Variants in PLCB4 observed in about 807,000 individuals in gnomAD.
The protein encoded by PLCB4 is phospholipase C beta 4.
PLCB4 carries 77 observed loss-of-function variants against 178.8 expected under a neutral mutation model. That is an observed-to-expected ratio of 0.43 (90% CI 0.36 to 0.52). The LOEUF (loss-of-function observed/expected upper bound fraction) is 0.52, where lower values mean the gene tolerates loss of function less well. Among genes scored for constraint, PLCB4 ranks in the 20% least tolerant of loss-of-function variants. PLCB4 has a pLI of 0.00. For synonymous variants in PLCB4, 496 were observed against 490.8 expected (o/e 1.01, Z -0.14); for missense variants, 1,024 against 1,453.4 (o/e 0.70, Z 4.80).
chr20:9,288,610 G>A (rs1179751544), intron 3 of PLCB4, among the ~76,000 whole-genome samples: 1 of 151,938 alleles, frequency 6.6e-6, no homozygotes, highest in Non-Finnish European at 1.5e-5. Flanking sequence ...TTGGAAGGGT[G>A]AGGAGAAGAG....
chr20:9,221,456 A>G (rs987412390), intron 3 of PLCB4, among the ~76,000 whole-genome samples: 1 of 152,226 alleles, frequency 6.6e-6, no homozygotes, highest in Non-Finnish European at 1.5e-5. Flanking sequence ...ACACAAGACG[A>G]TTAAAGGGAC....
chr20:9,407,086 G>T (rs2039496440), intron 21 of PLCB4, among the ~76,000 whole-genome samples: 1 of 152,138 alleles, frequency 6.6e-6, no homozygotes, highest in African/African-American at 2.4e-5. Context: ...ACGTATGTAT[G>T]TTGCTTACAT....
At chr20:9,278,603 C>A (rs2094469212) in intron 3 of PLCB4, among the ~76,000 whole-genome samples, 1 of 151,982 alleles carries the variant, frequency 6.6e-6, no homozygotes, top group Admixed American at 6.6e-5. Context: ...GATGCTGGGC[C>A]CTATGCATGG....
At chr20:9,185,544 A>G (rs562279551) in intron 2 of PLCB4, among the ~76,000 whole-genome samples, 28 of 152,080 alleles carry the variant, frequency 1.8e-4, no homozygotes, top group Middle Eastern at 3.4e-3. Flanking sequence ...TGTTCCCCAC[A>G]CTGACCCCTC....
chr20:9,295,535 TAGTA>T (rs993499045), intron 3 of PLCB4, among the ~76,000 whole-genome samples: 3 of 152,116 alleles, frequency 2.0e-5, no homozygotes, highest in African/African-American at 7.2e-5. Flanking sequence ...TTGCTGCCCT[TAGTA>T]AGAACAGAAA....
intron 19 of PLCB4, among the ~76,000 whole-genome samples, chr20:9,396,254 C>A (rs893626931): frequency 6.6e-6 from 1 of 152,086 alleles, no homozygotes; most frequent in Non-Finnish European, 1.5e-5. Flanking sequence ...TTTGTATAGA[C>A]AAAAACATGA....
intron 3 of PLCB4, among the ~76,000 whole-genome samples, chr20:9,270,120 C>T (rs948302652): frequency 1.4e-4 from 22 of 152,202 alleles, no homozygotes; most frequent in African/African-American, 4.6e-4. Context: ...AGAGAAACTA[C>T]CTGTCTATGA....
chr20:9,466,846 TCAA>T (rs1019124066), intron 35 of PLCB4, among the ~76,000 whole-genome samples: 5 of 152,282 alleles, frequency 3.3e-5, no homozygotes, highest in Admixed American at 6.5e-5. Flanking sequence ...GTAAATTTGT[TCAA>T]CGATTGTGGA....
chr20:9,146,741 G>A, intron 2 of PLCB4, among the ~76,000 whole-genome samples: 1 of 152,100 alleles, frequency 6.6e-6, no homozygotes, highest in African/African-American at 2.4e-5. Context: ...AACCCAAGGT[G>A]CCGGAGCCAT....
At chr20:9,075,076 C>T (rs989403484) in intron 1 of PLCB4, among the ~76,000 whole-genome samples, 2 of 152,034 alleles carry the variant, frequency 1.3e-5, no homozygotes, top group African/African-American at 4.8e-5. Context: ...TTCTGACAGC[C>T]TTTTTGAGTG....
At chr20:9,380,585 T>C (rs372316955) in intron 13 of PLCB4, among the ~76,000 whole-genome samples, 10 of 152,352 alleles carry the variant, frequency 6.6e-5, no homozygotes, top group African/African-American at 2.4e-4. Flanking sequence ...TGATGTGCAG[T>C]AACCCTCATT....
At chr20:9,137,634 G>T (rs1259164003) in intron 2 of PLCB4, among the ~76,000 whole-genome samples, 1 of 151,720 alleles carries the variant, frequency 6.6e-6, no homozygotes, top group East Asian at 1.9e-4. Context: ...CTATCCATCT[G>T]GAAATTTCAG....
At chr20:9,158,040 T>C (rs2092819956) in intron 2 of PLCB4, among the ~76,000 whole-genome samples, 2 of 152,206 alleles carry the variant, frequency 1.3e-5, no homozygotes, top group African/African-American at 4.8e-5. Context: ...AAGTAGGTAC[T>C]ATCCTTGTCT....
chr20:9,387,597 TGAAAATGCAG>T (rs558526914), intron 15 of PLCB4, 41 bp downstream of exon 15: 1 of 962,518 alleles, frequency 1.0e-6, no homozygotes, highest in Non-Finnish European at 1.6e-6. Flanking sequence ...CCAAACTCTG[TGAAAATGCAG>T]GAAATAGGGA....
intron 7 of PLCB4, among the ~76,000 whole-genome samples, chr20:9,360,959 A>G (rs954626268): frequency 5.3e-5 from 8 of 152,192 alleles, no homozygotes; most frequent in Non-Finnish European, 7.3e-5. Flanking sequence ...CTACTTAAAA[A>G]AAGAAACAAA....
intron 2 of PLCB4, among the ~76,000 whole-genome samples, chr20:9,138,956 T>C (rs1295846149): frequency 2.0e-5 from 3 of 152,122 alleles, no homozygotes; most frequent in Non-Finnish European, 2.9e-5. Context: ...ATGGGTATTA[T>C]AGTCAAAGCC....
intron 17 of PLCB4, 93 bp from the exon 18 acceptor site, chr20:9,393,495 T>C: frequency 1.3e-6 from 1 of 796,716 alleles, no homozygotes; most frequent in South Asian, 1.6e-5. Flanking sequence ...TTGGGTTGCA[T>C]CACTCCCAGG....
chr20:9,470,694 C>CTG (rs2044131407), intron 36 of PLCB4, among the ~76,000 whole-genome samples: 1 of 152,110 alleles, frequency 6.6e-6, no homozygotes, highest in African/African-American at 2.4e-5. Context: ...TTGTAACTTT[C>CTG]TATTTTTATT....
chr20:9,371,084 T>C (rs1438877338), intron 9 of PLCB4, 130 bp from the exon 10 acceptor site: 5 of 667,978 alleles, frequency 7.5e-6, no homozygotes, highest in Non-Finnish European at 1.4e-5. Context: ...ACATCTGCAA[T>C]GAGAGGTAAT....
Sources: gnomAD v4.1 joint callset for allele counts (sites outside exome capture counted in the v4.1 genomes callset) on GRCh38, gnomAD v4.1.1 for gene constraint, MANE v1.5 for transcripts, NCBI Gene and HGNC (gene_info 2026-07-23, HGNC 2026-07-21) for gene names.